The following APOL5 variants were observed in gnomAD, a reference collection of about 807,000 sequenced individuals.
The protein encoded by APOL5 is apolipoprotein L5.
In APOL5, 29 loss-of-function variants were observed where a neutral mutation model predicts 35.5. That is an observed-to-expected ratio of 0.82 (90% confidence interval 0.61 to 1.11). The LOEUF (loss-of-function observed/expected upper bound fraction) is 1.11. APOL5 is among the 50% of genes most tolerant of loss of function. The probability of loss-of-function intolerance (pLI) is 0.00; values close to 1 mark genes in which losing one functional copy is unlikely to be tolerated. For synonymous variants in APOL5, 188 were observed against 200.2 expected, an observed-to-expected ratio of 0.94 and a Z score of 0.51; for missense variants, 514 against 530.4, an observed-to-expected ratio of 0.97 and a Z score of 0.30.
chr22:35,725,283 T>C (rs1927109389), intron 2 of APOL5, among the ~76,000 whole-genome samples: 1 of 152,164 alleles, frequency 6.6e-6, no homozygotes, highest in Non-Finnish European at 1.5e-5. Flanking sequence ...TTTTGTTTTT[T>C]TAGATGAACT....
chr22:35,714,141 G>A (rs568470724), upstream of APOL5, among the ~76,000 whole-genome samples: 3 of 151,952 alleles, frequency 2.0e-5, no homozygotes, highest in Non-Finnish European at 2.9e-5. Context: ...GTGAAACCCC[G>A]TCTCTACTAA....
chr22:35,729,028 C>A, intron 4 of APOL5, 124 bp downstream of exon 4: 1 of 1,146,606 alleles, frequency 8.7e-7, no homozygotes, highest in Non-Finnish European at 1.2e-6. Flanking sequence ...TTGTTGCTAC[C>A]TTTCCATCCG....
At chr22:35,717,808 G>A, upstream of APOL5, 1 of 1,158,428 alleles carries the variant, frequency 8.6e-7, no homozygotes, top group Non-Finnish European at 1.2e-6. Flanking sequence ...CAGGTTTCAG[G>A]CATGGAGAAG....
the APOL5 span, among the ~76,000 whole-genome samples, chr22:35,711,599 T>TTTCCCTCCTTCCTTCCTTCCTTCC: frequency 1.3e-4 from 10 of 77,560 alleles, no homozygotes; most frequent in African/African-American, 5.6e-4. Flanking sequence ...TCACCATGTT[T>TTTCCCTCCTTCCTTCCTTCCTTCC]TTCCTTCCTT....
chr22:35,720,205 G>A (rs1926915951), intron 1 of APOL5, among the ~76,000 whole-genome samples: 1 of 152,222 alleles, frequency 6.6e-6, no homozygotes, highest in South Asian at 2.1e-4. Flanking sequence ...CCCGAGGGTG[G>A]AACCCTCACC....
chr22:35,715,579 G>C (rs1452233119), upstream of APOL5, among the ~76,000 whole-genome samples: 1 of 152,204 alleles, frequency 6.6e-6, no homozygotes, highest in Non-Finnish European at 1.5e-5. Context: ...AAGGGAGGCA[G>C]AGGTTGCAAA....
chr22:35,708,681 T>C, the APOL5 span, among the ~76,000 whole-genome samples: 1 of 152,166 alleles, frequency 6.6e-6, no homozygotes, highest in Admixed American at 6.5e-5. Flanking sequence ...CGCTTTCCTC[T>C]GCGCTGATTT....
intron 2 of APOL5, among the ~76,000 whole-genome samples, chr22:35,722,059 T>A (rs1926988285): frequency 6.6e-6 from 1 of 152,144 alleles, no homozygotes; most frequent in Non-Finnish European, 1.5e-5. Context: ...ACTGTCAAGA[T>A]TTCCCCCCAG....
chr22:35,710,605 T>A, the APOL5 span, among the ~76,000 whole-genome samples: 5 of 152,026 alleles, frequency 3.3e-5, no homozygotes, highest in African/African-American at 1.2e-4. Flanking sequence ...TGGCATTAGG[T>A]ATATTCACAT....
chr22:35,728,325 G>A (rs570325340), intron 3 of APOL5, among the ~76,000 whole-genome samples: 39 of 152,312 alleles, frequency 2.6e-4, no homozygotes, highest in African/African-American at 5.3e-4. Context: ...CCGGGTTCAC[G>A]CCATTCTCCT....
chr22:35,728,476 G>C (rs1380798810), intron 3 of APOL5, among the ~76,000 whole-genome samples: 1 of 152,204 alleles, frequency 6.6e-6, no homozygotes, highest in Non-Finnish European at 1.5e-5. Flanking sequence ...ACCCGCCTCA[G>C]CCTCCCAAAG....
intron 1 of APOL5, among the ~76,000 whole-genome samples, chr22:35,719,010 G>C (rs1396508010): frequency 6.7e-6 from 1 of 148,934 alleles, no homozygotes; most frequent in East Asian, 2.0e-4. Context: ...AGTGAGCCGA[G>C]ATCGCACCAC....
upstream of APOL5, among the ~76,000 whole-genome samples, chr22:35,715,275 T>C (rs1166004344): frequency 6.6e-6 from 1 of 152,082 alleles, no homozygotes; most frequent in East Asian, 1.9e-4. Flanking sequence ...CAAAATAAAG[T>C]CTAATAGAGT....
chr22:35,726,437 T>G lies in APOL5; in HGVS notation c.369T>G (p.Leu123=), dbSNP rs1927158544. ...AGAACATCAAAGAACTTAACACCCT[T>G]GCGGACCAAGTTGACACCACTCACG... is the stretch of plus-strand genomic sequence containing the variant. ...LEQNIKELNT[L]ADQVDTTHEL... The change falls in exon 3 of 5, where the codon CTT becomes CTG. Residue 123 remains leucine (L), a synonymous_variant. Coordinates refer to ENST00000249044, the MANE Select transcript of APOL5 (RefSeq NM_030642.1). 6.2e-7 allele frequency: 1 copy of G among 1,614,008 alleles called. No homozygotes were observed. Among genetic ancestry groups the G allele is most frequent in the African/African-American group, 1.3e-5 (1 of 74,920 alleles).
intron 2 of APOL5, among the ~76,000 whole-genome samples, chr22:35,725,699 C>A (rs1463284449): frequency 6.6e-6 from 1 of 152,074 alleles, no homozygotes; most frequent in African/African-American, 2.4e-5. Context: ...GGCCACAAGA[C>A]CAGATGAGCC....
chr22:35,725,969 T>C (rs991750883), intron 2 of APOL5, among the ~76,000 whole-genome samples: 1 of 152,202 alleles, frequency 6.6e-6, no homozygotes, highest in Admixed American at 6.5e-5. Flanking sequence ...ATCATCTTTG[T>C]TTCAAAGTTA....
rs1164803928 is a variant in APOL5, at chr22:35,726,786, A to G, written c.718A>G (p.Ile240Val). 6.2e-7 allele frequency: 1 copy of G among 1,614,240 alleles called. No individual in the cohort carries two copies. Among genetic ancestry groups the G allele is most frequent in the Admixed American group, 1.7e-5 (1 of 60,028 alleles). Residue 240 changes from isoleucine (I) to valine (V), a missense_variant, in exon 3 of 5, where the codon ATC becomes GTC. By Grantham distance (29) the Ile-to-Val change is conservative (BLOSUM62 3). This residue lies in a region of APOL5 where 22 missense variants were observed against 46.6 expected (regional missense o/e 0.47). Transcript: ENST00000249044. ...VNKCVKAIQG[I>V]KDLHAYQMAK... ...TAAGTGTGTAAAAGCTATCCAGGGC[A>G]TCAAGGATCTTCATGCCTACCAGAT...
the APOL5 span, among the ~76,000 whole-genome samples, chr22:35,711,715 G>A: frequency 2.3e-5 from 3 of 133,042 alleles, no homozygotes; most frequent in Non-Finnish European, 3.1e-5. Flanking sequence ...TGCTCTTGTC[G>A]CCCAGGCTGG....
intron 2 of APOL5, among the ~76,000 whole-genome samples, chr22:35,720,957 G>C (rs748021263): frequency 1.2e-4 from 19 of 152,092 alleles, no homozygotes; most frequent in Non-Finnish European, 2.6e-4. Flanking sequence ...TGTTGGCCAG[G>C]CTGGTCTTGA....
Sources: gnomAD v4.1 joint callset for allele counts (sites outside exome capture counted in the v4.1 genomes callset) on GRCh38, gnomAD v4.1.1 for gene constraint, gnomAD v4.1.1 regional missense constraint, MANE v1.5 for transcripts, NCBI Gene and HGNC (gene_info 2026-07-23, HGNC 2026-07-21) for gene names.